KIF21B: variants seen among roughly 807,000 people sequenced by gnomAD.
KIF21B encodes the protein kinesin-like protein KIF21B.
Under a neutral mutation model 192.9 loss-of-function variants are expected in KIF21B, and 85 were observed. The observed-to-expected ratio is 0.44, with a 90% CI of 0.37 to 0.53. KIF21B has a LOEUF of 0.53. KIF21B is among the 20% of genes least tolerant of loss of function. The probability of loss-of-function intolerance (pLI) is 0.00; values close to 1 mark genes in which losing one functional copy is unlikely to be tolerated. For missense variants in KIF21B, 1,716 were observed against 2,194.8 expected, an observed-to-expected ratio of 0.78 and a Z score of 4.36; for synonymous variants, 832 against 884.6, an observed-to-expected ratio of 0.94 and a Z score of 1.05.
chr1:201,019,128 C>G (rs7526353), intron 1 of KIF21B, among the ~76,000 whole-genome samples: 1 of 151,908 alleles, frequency 6.6e-6, no homozygotes, highest in Non-Finnish European at 1.5e-5. Flanking sequence ...AGAGATGGAG[C>G]TTCACCATAT....
intron 1 of KIF21B, among the ~76,000 whole-genome samples, chr1:201,012,360 C>G (rs914751419): frequency 1.3e-5 from 2 of 152,168 alleles, no homozygotes; most frequent in Non-Finnish European, 2.9e-5. Context: ...GTTGGACTGA[C>G]TGAATGAATA....
rs1248086878 is a variant in KIF21B at position 200,991,716 on chromosome 1, G to A, written c.2395C>T (p.Arg799Ter). ...KEQRRQEFQI[R>*]ALESQKRQQE... ...TGCCGCTTCTGGGACTCCAGAGCTC[G>A]GATCTGAAACTGTGGGAGACAGAAG... The change falls in exon 17 of 35, where the codon CGA (arginine) becomes TGA (stop). Residue 799 changes from arginine (R) to a stop codon, truncating the protein, a stop_gained. Transcript: ENST00000461742. LOFTEE classifies it high-confidence loss of function. The A allele has an allele frequency of 2.5e-6, 4 of 1,613,998 alleles. No individual in the cohort carries two copies. The highest frequency in any genetic ancestry group is 2.2e-5 in the East Asian group (1 of 44,898).
Position 200,971,547 on chromosome 1 carries a change from C to T in KIF21B, c.*1974G>A, listed in dbSNP as rs1655213147. Reference sequence around the variant, plus strand: ...GGTTGCAAGGTCAAAACTTTCTGTTCAGGTTGGCGGGGAGGAGTGGGAAGA... The same window carrying T: ...GGTTGCAAGGTCAAAACTTTCTGTTTAGGTTGGCGGGGAGGAGTGGGAAGA... On this transcript the variant is annotated 3_prime_UTR_variant, in exon 35 of 35. Coordinates refer to ENST00000461742, the MANE Select transcript of KIF21B (RefSeq NM_001252102.2). 6.6e-6 allele frequency: 1 copy of T among 152,448 alleles called. No individual in the cohort carries two copies. 9.4% of individuals were successfully genotyped at this position (152,448 alleles called of 1,614,324 possible).
chr1:201,005,047 C>T (rs575779107), intron 5 of KIF21B, 114 bp from the exon 6 acceptor site: 53 of 1,225,574 alleles, frequency 4.3e-5, no homozygotes, highest in Non-Finnish European at 5.0e-5. Context: ...CCTTGCCCTT[C>T]GCACATGCAG....
Position 201,008,942 on chromosome 1 carries a change from C to G in KIF21B, c.274G>C (p.Gly92Arg). Reference sequence around the variant, plus strand: ...CCAGTGCCCATGGTGTACGTCTTCCCGGCCCCCGTCTGCATTGGCAAAGAT... The same window carrying G: ...CCAGTGCCCATGGTGTACGTCTTCCGGGCCCCCGTCTGCATTGGCAAAGAT... ...TVLAYGQTGAGKTYTMGTGFD... is the reference protein window; with the variant it reads ...TVLAYGQTGARKTYTMGTGFD... Residue 92 changes from glycine to arginine, a missense_variant, in exon 3 of 35, where the codon GGG (glycine) becomes CGG (arginine). Coordinates refer to ENST00000461742, the MANE Select transcript of KIF21B (RefSeq NM_001252102.2). 6.2e-7 allele frequency: 1 copy of G among 1,609,092 alleles called. No individual in the cohort carries two copies. Among genetic ancestry groups the G allele is most frequent in the Non-Finnish European group, 8.5e-7 (1 of 1,179,356 alleles).
rs1655510751 is a variant in KIF21B at position 200,975,779 on chromosome 1, AGCCACT to A, written c.4444-116_4444-111del. ...GACCCAGGAGTCTGGCTAGGGTGACAGCCACTGCCCTCTGGGGAGAGGAGCTTCCCA... is the reference window on the plus strand; with the variant it reads ...GACCCAGGAGTCTGGCTAGGGTGACAGCCCTCTGGGGAGAGGAGCTTCCCA... On this transcript the variant is annotated intron_variant, in intron 32 of 34. Coordinates refer to ENST00000461742, the MANE Select transcript of KIF21B (RefSeq NM_001252102.2). This position sits in a 1 kb window ranked among gnomAD's most constrained non-coding sequence, Gnocchi z 4.3. The A allele has an allele frequency of 1.8e-6, 2 of 1,115,296 alleles. No individual in the cohort carries two copies. Among genetic ancestry groups the A allele is most frequent in the South Asian group, 3.2e-5 (2 of 61,566 alleles). 69.1% of individuals were successfully genotyped at this position (1,115,296 alleles called of 1,614,324 possible).
chr1:201,021,162 C>G (rs1005810807), intron 1 of KIF21B, among the ~76,000 whole-genome samples: 1 of 152,186 alleles, frequency 6.6e-6, no homozygotes, highest in Non-Finnish European at 1.5e-5. Flanking sequence ...AAGGAAAACT[C>G]CCCCTACAGC....
In KIF21B at chr1:201,000,613, A is replaced by C; in HGVS notation, c.1467-5T>G. ...TCACTCTCTAGAAGCTTAGTCCTGC[A>C]CAGGAAGAACGAGTGGACGGGGCCG... On this transcript the variant is annotated splice_polypyrimidine_tract_variant and splice_region_variant and intron_variant, in intron 10 of 34. Transcript: ENST00000461742. This position sits in a 1 kb window ranked among gnomAD's most constrained non-coding sequence, Gnocchi z 6.0. 1.2e-6 allele frequency: 2 copies of C among 1,613,400 alleles called. No homozygotes were observed. Among genetic ancestry groups the C allele is most frequent in the Non-Finnish European group, 1.7e-6 (2 of 1,179,842 alleles).
chr1:201,005,749 G>T lies in KIF21B; in HGVS notation c.448-55C>A. 2.6e-6 allele frequency: 4 copies of T among 1,556,710 alleles called. No homozygotes were observed. In the South Asian group the frequency reaches 4.5e-5, roughly 18 times the overall value. ...AGGGCATTCACTGGGGCCCCAGGTG[G>T]CTGCCACATGCCTATAAACCATATC... On this transcript the variant is annotated intron_variant, in intron 3 of 34. Transcript: ENST00000461742.
At chr1:200,992,525 G>A in intron 15 of KIF21B, 136 bp from the exon 16 acceptor site, 1 of 880,406 alleles carries the variant, frequency 1.1e-6, no homozygotes, top group Non-Finnish European at 1.8e-6. Context: ...GGGCCTGGGG[G>A]TCTGAAGTGA....
chr1:200,986,456 C>T (rs746090021), intron 26 of KIF21B, among the ~76,000 whole-genome samples: 3 of 151,290 alleles, frequency 2.0e-5, no homozygotes, highest in African/African-American at 4.9e-5. Flanking sequence ...CTCCCAGGTT[C>T]GAACCATTCT....
rs563360685 is a variant in KIF21B, at chr1:201,002,276, C to G, written c.1287G>C (p.Lys429Asn). The G allele has an allele frequency of 6.2e-7, 1 of 1,614,108 alleles. No individual in the cohort carries two copies. The highest frequency in any genetic ancestry group is 8.5e-7 in the Non-Finnish European group (1 of 1,180,036). The change falls in exon 9 of 35, where the codon AAG becomes AAC. Residue 429 changes from lysine (K) to asparagine (N), a missense_variant. Around this residue, in one of 3 missense-constraint regions of KIF21B, gnomAD observed 1,087 missense variants for 1,316.6 expected, o/e 0.83. Coordinates refer to ENST00000461742, the MANE Select transcript of KIF21B (RefSeq NM_001252102.2). ...DLFRENAMLQKENGALRLRVK... is the reference protein window; with the variant it reads ...DLFRENAMLQNENGALRLRVK... Reference sequence around the variant, plus strand: ...CCCGCAGCCGCAGGGCCCCATTCTCCTTCTGTAGCATGGCATTCTCTCGGA... The same window carrying G: ...CCCGCAGCCGCAGGGCCCCATTCTCGTTCTGTAGCATGGCATTCTCTCGGA...
Position 201,023,703 on chromosome 1 carries a change from C to G in KIF21B, c.-320G>C, listed in dbSNP as rs1442728010. ...CTCCCACCCGGCAGCCACCTCCCGC[C>G]GCAGCGCGAACAAAGGGGGCGGGGG... On this transcript the variant is annotated 5_prime_UTR_variant, in exon 1 of 35. Coordinates refer to ENST00000461742, the MANE Select transcript of KIF21B (RefSeq NM_001252102.2). The surrounding 1 kb of genome is among the most constrained non-coding windows in gnomAD (Gnocchi z 5.9). 1.3e-5 allele frequency: 2 copies of G among 151,506 alleles called. No individual in the cohort carries two copies. The highest frequency in any genetic ancestry group is 1.5e-5 in the Non-Finnish European group (1 of 67,820). 9.4% of individuals were successfully genotyped at this position (151,506 alleles called of 1,614,324 possible).
At position 200,982,111 on chromosome 1, in the gene KIF21B, G is replaced by A. The variant is rs997597971; in HGVS notation, c.3842+945C>T. 1.2e-4 allele frequency among the ~76,000 whole-genome samples: 19 copies of A among 152,082 alleles called. No individual in the cohort carries two copies. Among genetic ancestry groups the A allele is most frequent in the African/African-American group, 3.6e-4 (15 of 41,410 alleles). On this transcript the variant is annotated intron_variant, in intron 28 of 34. Coordinates refer to ENST00000461742, the MANE Select transcript of KIF21B (RefSeq NM_001252102.2). The surrounding 1 kb of genome is among the most constrained non-coding windows in gnomAD (Gnocchi z 4.7). ...AGGCCCACCCTTGAGGATGGTGGTCGGATACGTCCAGCTGCCAGCCAGGTG... is the reference window on the plus strand; with the variant it reads ...AGGCCCACCCTTGAGGATGGTGGTCAGATACGTCCAGCTGCCAGCCAGGTG...
Position 200,971,328 on chromosome 1 carries a change from GCAGA to G in KIF21B, c.*2189_*2192del. On this transcript the variant is annotated 3_prime_UTR_variant, in exon 35 of 35. Transcript: ENST00000461742. ...TGAGGTAGCTGACCCATCAGAAACA[GCAGA>G]AAATGGGCATGATGATGAGCACCTC... 1 of 152,784 alleles carries G rather than the reference GCAGA, an allele frequency of 6.5e-6. No individual in the cohort carries two copies. Among genetic ancestry groups the G allele is most frequent in the East Asian group, 1.9e-4 (1 of 5,328 alleles). 9.5% of individuals were successfully genotyped at this position (152,784 alleles called of 1,614,324 possible).
Position 200,988,873 on chromosome 1 carries a change from T to C in KIF21B, c.3191A>G (p.Gln1064Arg). Reference sequence around the variant, plus strand: ...CTGGGAGGAGCCTGCCATATCCGTCTGCCTCAGTCGGCCCTCCAACAGCCG... The same window carrying C: ...CTGGGAGGAGCCTGCCATATCCGTCCGCCTCAGTCGGCCCTCCAACAGCCG... ...QIRLLEGRLR[Q>R]TDMAGSSQNH... Residue 1064 changes from glutamine (Q) to arginine (R), a missense_variant, in exon 22 of 35, where the codon CAG becomes CGG. This residue lies in a region of KIF21B where 580 missense variants were observed against 775.5 expected (regional missense o/e 0.75). Coordinates refer to ENST00000461742, the MANE Select transcript of KIF21B (RefSeq NM_001252102.2). 6.2e-7 allele frequency: 1 copy of C among 1,613,200 alleles called. No homozygotes were observed. Among genetic ancestry groups the C allele is most frequent in the African/African-American group, 1.3e-5 (1 of 75,030 alleles).
intron 26 of KIF21B, among the ~76,000 whole-genome samples, chr1:200,986,410 C>T (rs111796119): frequency 1.9e-4 from 28 of 149,642 alleles, no homozygotes; most frequent in Admixed American, 4.7e-4. Context: ...CAGGCTGCAG[C>T]GTAGTGGCAC....
intron 1 of KIF21B, among the ~76,000 whole-genome samples, chr1:201,011,866 T>G (rs997334244): frequency 6.6e-6 from 1 of 152,228 alleles, no homozygotes; most frequent in Non-Finnish European, 1.5e-5. Context: ...ATGGCAATGC[T>G]GATGATTGGA....
intron 30 of KIF21B, among the ~76,000 whole-genome samples, chr1:200,978,530 G>A (rs1288876589): frequency 6.6e-6 from 1 of 151,428 alleles, no homozygotes; most frequent in Non-Finnish European, 1.5e-5. Flanking sequence ...AACCCATGTT[G>A]ACATATTGTT....
Sources: allele counts gnomAD v4.1 joint callset (sites outside exome capture counted in the v4.1 genomes callset), GRCh38; gene constraint gnomAD v4.1.1; regional missense constraint gnomAD v4.1.1; non-coding constraint Gnocchi (gnomAD v3.1); transcripts MANE v1.5; gene names NCBI Gene and HGNC (gene_info 2026-07-23, HGNC 2026-07-21).